The following TLN2 variants were observed in gnomAD, a reference collection of about 807,000 sequenced individuals.
TLN2 encodes talin 2.
TLN2 carries 118 observed loss-of-function variants against 294.7 expected under a neutral mutation model. That is an observed-to-expected ratio of 0.40 (90% CI 0.34 to 0.47). TLN2 has a LOEUF of 0.47. Ranked by LOEUF, TLN2 falls within the 20% of genes least tolerant of loss-of-function variation. TLN2 has a pLI of 0.84. For missense variants in TLN2, 3,083 were observed against 3,282.2 expected (o/e 0.94, Z 1.48); for synonymous variants, 1,431 against 1,304.5 (o/e 1.10, Z -2.09).
chr15:62,801,752 C>T (rs2065942499), intron 50 of TLN2, among the ~76,000 whole-genome samples: 1 of 152,198 alleles, frequency 6.6e-6, no homozygotes, highest in African/African-American at 2.4e-5. Flanking sequence ...CTGGCACTTG[C>T]CTGGCTGCAC....
intron 1 of TLN2, among the ~76,000 whole-genome samples, chr15:62,477,570 C>T (rs1325545694): frequency 7.9e-5 from 12 of 152,134 alleles, no homozygotes; most frequent in Admixed American, 7.9e-4. Flanking sequence ...ATTGAACCCT[C>T]CCTTAAATGT....
chr15:62,716,895 T>C (rs2059810764), intron 23 of TLN2, among the ~76,000 whole-genome samples: 1 of 151,906 alleles, frequency 6.6e-6, no homozygotes, highest in South Asian at 2.1e-4. Context: ...TTTGAAATAA[T>C]TATTCTGAAA....
At chr15:62,560,944 G>T (rs1004234266) in intron 1 of TLN2, among the ~76,000 whole-genome samples, 1 of 152,242 alleles carries the variant, frequency 6.6e-6, no homozygotes, top group African/African-American at 2.4e-5. Flanking sequence ...GCCCACTTGC[G>T]TGGCTCTTTC....
At chr15:62,776,681 T>C in intron 42 of TLN2, 83 bp from the exon 43 acceptor site, 3 of 1,265,180 alleles carry the variant, frequency 2.4e-6, no homozygotes, top group Non-Finnish European at 3.0e-6. Flanking sequence ...TATGGTTTTA[T>C]ATTCTACTTT....
intron 28 of TLN2, 125 bp from the exon 29 acceptor site, chr15:62,736,753 A>G: frequency 9.2e-7 from 1 of 1,089,034 alleles, no homozygotes; most frequent in Non-Finnish European, 1.3e-6. Context: ...CAGCAATTCA[A>G]ATTTTATGAA....
intron 9 of TLN2, among the ~76,000 whole-genome samples, chr15:62,668,910 T>C (rs909130070): frequency 2.0e-5 from 3 of 152,214 alleles, no homozygotes; most frequent in African/African-American, 7.2e-5. Context: ...ATTTAAAATG[T>C]AGAATCATAA....
chr15:62,413,385 C>T (rs1486203885), intron 1 of TLN2, among the ~76,000 whole-genome samples: 1 of 152,100 alleles, frequency 6.6e-6, no homozygotes, highest in Non-Finnish European at 1.5e-5. Flanking sequence ...CTGGCCCTGC[C>T]CCCACCCCCA....
intron 1 of TLN2, among the ~76,000 whole-genome samples, chr15:62,482,618 A>G (rs1479002878): frequency 6.6e-6 from 1 of 151,852 alleles, no homozygotes. Flanking sequence ...AAAAAAAAAA[A>G]AAAAAAAGAT....
intron 9 of TLN2, 105 bp downstream of exon 9, chr15:62,658,003 C>T (rs1369330897): frequency 1.8e-6 from 2 of 1,127,962 alleles, no homozygotes; most frequent in Non-Finnish European, 2.5e-6. Context: ...TAATTTCAAT[C>T]ATTTGTGAGA....
At chr15:62,424,698 G>C (rs1206998091) in intron 1 of TLN2, among the ~76,000 whole-genome samples, 1 of 152,090 alleles carries the variant, frequency 6.6e-6, no homozygotes, top group Non-Finnish European at 1.5e-5. Context: ...TGTCACCCAG[G>C]CTGGAGTCTA....
chr15:62,702,499 C>T (rs2058776930), intron 18 of TLN2, among the ~76,000 whole-genome samples: 1 of 152,250 alleles, frequency 6.6e-6, no homozygotes, highest in Non-Finnish European at 1.5e-5. Context: ...CTAATTTCCA[C>T]AGAATGCATC....
intron 34 of TLN2, among the ~76,000 whole-genome samples, chr15:62,751,357 G>A (rs746633923): frequency 2.6e-5 from 4 of 152,148 alleles, no homozygotes; most frequent in Non-Finnish European, 5.9e-5. Context: ...TTTGATTTGG[G>A]CTAAAACTAG....
At chr15:62,510,696 A>T (rs768372565) in intron 1 of TLN2, among the ~76,000 whole-genome samples, 10 of 152,186 alleles carry the variant, frequency 6.6e-5, no homozygotes, top group Non-Finnish European at 1.5e-4. Flanking sequence ...GGGTTTGCTG[A>T]CCTTGCAGGA....
chr15:62,735,307 G>A (rs1260094508), intron 28 of TLN2, among the ~76,000 whole-genome samples: 2 of 152,184 alleles, frequency 1.3e-5, no homozygotes, highest in South Asian at 2.1e-4. Flanking sequence ...CAAGGACTGT[G>A]TGCCAGGTAG....
At chr15:62,707,806 G>A (rs957251206) in intron 20 of TLN2, among the ~76,000 whole-genome samples, 4 of 152,058 alleles carry the variant, frequency 2.6e-5, no homozygotes, top group African/African-American at 7.2e-5. Flanking sequence ...GAAGTAGTAA[G>A]TGGCAGAACT....
chr15:62,397,461 A>T (rs569409941), intron 1 of TLN2, among the ~76,000 whole-genome samples: 7 of 152,220 alleles, frequency 4.6e-5, no homozygotes, highest in African/African-American at 1.4e-4. Context: ...ACCATGTCTC[A>T]CTGTGTTGCC....
chr15:62,731,612 A>G (rs1245563400), intron 28 of TLN2, among the ~76,000 whole-genome samples: 3 of 152,162 alleles, frequency 2.0e-5, no homozygotes, highest in Non-Finnish European at 4.4e-5. Flanking sequence ...GCTCAGAACT[A>G]TGCTTTTTCT....
intron 2 of TLN2, among the ~76,000 whole-genome samples, chr15:62,600,713 G>C (rs1244521690): frequency 3.9e-5 from 6 of 152,158 alleles, no homozygotes; most frequent in Non-Finnish European, 7.3e-5. Flanking sequence ...ATGGACAACT[G>C]TGCACGTATT....
intron 12 of TLN2, among the ~76,000 whole-genome samples, chr15:62,689,442 A>G (rs922458432): frequency 2.6e-5 from 4 of 152,172 alleles, no homozygotes; most frequent in Admixed American, 1.3e-4. Context: ...AGAACCGTCT[A>G]TTACACTTCC....
Sources: allele counts gnomAD v4.1 joint callset (sites outside exome capture counted in the v4.1 genomes callset), GRCh38; gene constraint gnomAD v4.1.1; transcripts MANE v1.5; gene names NCBI Gene and HGNC (gene_info 2026-07-23, HGNC 2026-07-21).